Variants in PRRG1 observed in about 807,000 individuals in gnomAD.
The protein encoded by PRRG1 is transmembrane gamma-carboxyglutamic acid protein 1.
Under a neutral mutation model 11.8 loss-of-function variants are expected in PRRG1, and 5 were observed. The observed-to-expected ratio is 0.42, with a 90% CI of 0.22 to 0.89. The LOEUF (loss-of-function observed/expected upper bound fraction) is 0.89, where lower values mean the gene tolerates loss of function less well. Among genes scored for constraint, PRRG1 ranks in the 40% least tolerant of loss-of-function variants. PRRG1 has a pLI of 0.28. For missense variants in PRRG1, 155 were observed against 166.1 expected, an observed-to-expected ratio of 0.93 and a Z score of 0.37; for synonymous variants, 66 against 60.4, an observed-to-expected ratio of 1.09 and a Z score of -0.43.
At chrX:37,370,716 G>A (rs1930735932) in intron 1 of PRRG1, among the ~76,000 whole-genome samples, 1 of 111,701 alleles carries the variant, frequency 9.0e-6, no homozygotes, top group African/African-American at 3.3e-5. Context: ...GTGGACCCAG[G>A]AGTCTCTACT....
chrX:37,409,072 A>C, intron 2 of PRRG1, among the ~76,000 whole-genome samples: 1 of 111,743 alleles, frequency 8.9e-6, no homozygotes, highest in Non-Finnish European at 1.9e-5. Flanking sequence ...TGATGCCCCC[A>C]AAACTTAACT....
chrX:37,376,362 T>C (rs1930939520), intron 1 of PRRG1, among the ~76,000 whole-genome samples: 1 of 103,493 alleles, frequency 9.7e-6, no homozygotes, highest in African/African-American at 3.5e-5. Flanking sequence ...AAATTCTGGA[T>C]TATGTTATTT....
At chrX:37,361,683 A>T (rs1178378561) in intron 1 of PRRG1, among the ~76,000 whole-genome samples, 2 of 111,552 alleles carry the variant, frequency 1.8e-5, no homozygotes, top group African/African-American at 6.5e-5. Flanking sequence ...CTGGAGTCCT[A>T]GTTAACAAAA....
intron 3 of PRRG1, among the ~76,000 whole-genome samples, chrX:37,427,931 C>T (rs1416495188): frequency 8.9e-6 from 1 of 111,827 alleles, no homozygotes; most frequent in Non-Finnish European, 1.9e-5. Flanking sequence ...GCCTCAGAAT[C>T]ATGGCAGGAG....
Position 37,394,679 on chromosome X carries a change from C to T in PRRG1, c.-41-11530C>T, listed in dbSNP as rs782260816. Among the ~76,000 whole-genome samples, 20 of 110,842 alleles carry T rather than the reference C, an allele frequency of 1.8e-4. No individual in the cohort carries two copies. In the South Asian group the frequency reaches 3.9e-3, roughly 22 times the overall value. The stretch of plus-strand genomic sequence containing the variant: ...AGGATTACTGGAAGAAGAATAACTA[C>T]CAAGAATAGGAGTTTCCAGTCTATT... On this transcript the variant is annotated intron_variant, in intron 1 of 3. Coordinates refer to ENST00000378628, the MANE Select transcript of PRRG1 (RefSeq NM_001142395.2).
chrX:37,427,331 C>T (rs962686316), intron 3 of PRRG1, among the ~76,000 whole-genome samples: 10 of 111,661 alleles, frequency 9.0e-5, no homozygotes, highest in Non-Finnish European at 1.3e-4. Flanking sequence ...TTAATGTATA[C>T]GTTTCTATGA....
At chrX:37,382,246 A>C (rs1169335399) in intron 1 of PRRG1, among the ~76,000 whole-genome samples, 1 of 111,431 alleles carries the variant, frequency 9.0e-6, no homozygotes, top group Non-Finnish European at 1.9e-5. Context: ...AGGCTGGTTA[A>C]ATTAATTGAC....
At chrX:37,419,311 T>A (rs990957864) in intron 2 of PRRG1, among the ~76,000 whole-genome samples, 16 of 111,794 alleles carry the variant, frequency 1.4e-4, no homozygotes, top group African/African-American at 5.2e-4. Flanking sequence ...CAACATATAT[T>A]TGACCAAAGT....
At chrX:37,386,720 CATT>C (rs1179352584) in intron 1 of PRRG1, 1 of 111,992 alleles carries the variant, frequency 8.9e-6, no homozygotes, top group Non-Finnish European at 1.9e-5. Flanking sequence ...ACTTTGCAGA[CATT>C]ATGATCCTGG....
intron 2 of PRRG1, among the ~76,000 whole-genome samples, chrX:37,408,544 T>C (rs1298549593): frequency 9.0e-6 from 1 of 111,658 alleles, no homozygotes; most frequent in Non-Finnish European, 1.9e-5. Context: ...GGGAAGAAGA[T>C]GGTGGGAATC....
At chrX:37,355,303 C>A (rs1332231677) in intron 1 of PRRG1, among the ~76,000 whole-genome samples, 2 of 110,953 alleles carry the variant, frequency 1.8e-5, no homozygotes, top group Admixed American at 1.9e-4. Flanking sequence ...TTTAGTGCCC[C>A]TCCCCACAAT....
intron 3 of PRRG1, among the ~76,000 whole-genome samples, chrX:37,433,261 C>T (rs988729158): frequency 3.6e-5 from 4 of 111,747 alleles, no homozygotes; most frequent in African/African-American, 1.3e-4. Flanking sequence ...CATCTATCTC[C>T]ACCCCACAGC....
intron 1 of PRRG1, among the ~76,000 whole-genome samples, chrX:37,390,526 A>T (rs1189880339): frequency 8.9e-6 from 1 of 112,126 alleles, no homozygotes; most frequent in East Asian, 2.8e-4. Flanking sequence ...TACACTAATG[A>T]TTTCATTTAT....
intron 1 of PRRG1, among the ~76,000 whole-genome samples, chrX:37,365,062 T>C (rs1556368845): frequency 3.6e-5 from 4 of 111,889 alleles, no homozygotes; most frequent in African/African-American, 9.7e-5. Flanking sequence ...TGAATTCTAT[T>C]AAGATGGCCA....
intron 1 of PRRG1, among the ~76,000 whole-genome samples, chrX:37,359,726 G>T (rs142517521): frequency 9.0e-6 from 1 of 111,610 alleles, no homozygotes; most frequent in Non-Finnish European, 1.9e-5. Context: ...TTAAGTGTTC[G>T]GTAGAATTCA....
At chrX:37,426,445 TTACTC>T (rs782297305) in intron 3 of PRRG1, among the ~76,000 whole-genome samples, 2 of 111,865 alleles carry the variant, frequency 1.8e-5, no homozygotes, top group Admixed American at 1.9e-4. Context: ...TTACTTCTCT[TTACTC>T]TAGACTACAT....
chrX:37,351,738 A>C (rs1257299460), intron 1 of PRRG1, among the ~76,000 whole-genome samples: 1 of 111,753 alleles, frequency 8.9e-6, no homozygotes, highest in Non-Finnish European at 1.9e-5. Context: ...AAAAAGGTGA[A>C]GTTTTTAAAA....
chrX:37,419,025 C>T (rs1373903317), intron 2 of PRRG1, among the ~76,000 whole-genome samples: 1 of 112,017 alleles, frequency 8.9e-6, no homozygotes, highest in East Asian at 2.8e-4. Flanking sequence ...TCTCTTGTGT[C>T]TAAGTTCATG....
Position 37,452,584 on chromosome X carries a change from T to C in PRRG1, c.172-552T>C, listed in dbSNP as rs1921183654. Among the ~76,000 whole-genome samples, 3 of 112,045 alleles carry C rather than the reference T, an allele frequency of 2.7e-5. No individual in the cohort carries two copies. The Admixed American group carries it at 2.8e-4, about 11-fold the overall frequency. ...ATAATTTTGACCTTCAGTCAACATC[T>C]GTGTACTAAACTTTGGGGTTGGAGA... On this transcript the variant is annotated intron_variant, in intron 3 of 3. Transcript: ENST00000378628.
Sources: gnomAD v4.1 joint callset for allele counts (sites outside exome capture counted in the v4.1 genomes callset) on GRCh38, gnomAD v4.1.1 for gene constraint, MANE v1.5 for transcripts, NCBI Gene and HGNC (gene_info 2026-07-23, HGNC 2026-07-21) for gene names.